The following CHST11 variants were observed in gnomAD, a reference collection of about 807,000 sequenced individuals.
CHST11 encodes C4S-1.
In CHST11, 9 loss-of-function variants were observed where a neutral mutation model predicts 30.4. The ratio of observed to expected loss-of-function variants is 0.30; its 90% confidence interval spans 0.18 to 0.52. The LOEUF is 0.52. CHST11 is among the 20% of genes least tolerant of loss of function. CHST11 has a pLI of 0.97. For synonymous variants in CHST11, 152 were observed against 187.8 expected, an observed-to-expected ratio of 0.81 and a Z score of 1.56; for missense variants, 348 against 460.6, an observed-to-expected ratio of 0.76 and a Z score of 2.24.
At chr12:104,748,538 G>A (rs1425922346) in intron 2 of CHST11, among the ~76,000 whole-genome samples, 1 of 151,904 alleles carries the variant, frequency 6.6e-6, no homozygotes, top group Non-Finnish European at 1.5e-5. Flanking sequence ...ATGCCCGGTG[G>A]GGGCTGGAGG....
In CHST11 at chr12:104,538,105, T is replaced by C. The variant is rs553064334; in HGVS notation, c.119-63801T>C. The stretch of plus-strand genomic sequence containing the variant: ...TCAGATTTTCTTAGTTGTTACCTAA[T>C]GTTCTTTTCTTATTCCAGAATTCCA... On this transcript the variant is annotated intron_variant, in intron 1 of 2. Coordinates refer to ENST00000303694, the MANE Select transcript of CHST11 (RefSeq NM_018413.6). 2.0e-4 allele frequency among the ~76,000 whole-genome samples: 31 copies of C among 152,370 alleles called. No homozygotes were observed. In the South Asian group the frequency reaches 6.4e-3, roughly 32 times the overall value.
At chr12:104,639,826 A>G (rs79995058) in intron 2 of CHST11, among the ~76,000 whole-genome samples, 366 of 152,282 alleles carry the variant, frequency 2.4e-3, no homozygotes, top group Admixed American at 6.0e-3. Flanking sequence ...TTTGCAAAAC[A>G]CATACCTAAA....
intron 2 of CHST11, among the ~76,000 whole-genome samples, chr12:104,716,443 T>G (rs142956762): frequency 6.6e-6 from 1 of 152,344 alleles, no homozygotes; most frequent in Non-Finnish European, 1.5e-5. Flanking sequence ...CTCATGAGTA[T>G]TGTGAGAAGT....
intron 2 of CHST11, among the ~76,000 whole-genome samples, chr12:104,602,732 A>G (rs999361051): frequency 6.6e-5 from 10 of 152,208 alleles, no homozygotes; most frequent in South Asian, 2.1e-4. Context: ...GTGAACAACT[A>G]GCAGCAGCAT....
chr12:104,619,624 G>A (rs1369052487), intron 2 of CHST11, among the ~76,000 whole-genome samples: 2 of 152,154 alleles, frequency 1.3e-5, no homozygotes, highest in Non-Finnish European at 2.9e-5. Context: ...GAAGCCCTAA[G>A]TGAGTGAAAG....
chr12:104,603,973 A>G (rs1004827461), intron 2 of CHST11, among the ~76,000 whole-genome samples: 2 of 151,998 alleles, frequency 1.3e-5, no homozygotes, highest in Admixed American at 1.3e-4. Context: ...TGTTACATGT[A>G]CCTAGGAACA....
At chr12:104,670,551 TCCCACACATACACA>T (rs1046847978) in intron 2 of CHST11, among the ~76,000 whole-genome samples, 1 of 144,742 alleles carries the variant, frequency 6.9e-6, no homozygotes, top group African/African-American at 2.6e-5. Context: ...ACACACACAC[TCCCACACATACACA>T]CCCACACATG....
intron 2 of CHST11, among the ~76,000 whole-genome samples, chr12:104,685,057 C>T (rs2039834092): frequency 3.3e-5 from 5 of 152,260 alleles, no homozygotes. Flanking sequence ...TTCCTCCTCT[C>T]AGCTCCCAAG....
intron 2 of CHST11, among the ~76,000 whole-genome samples, chr12:104,633,696 T>G (rs2039295752): frequency 6.6e-6 from 1 of 152,028 alleles, no homozygotes; most frequent in East Asian, 1.9e-4. Flanking sequence ...ATTACAGGCA[T>G]GAGCCACACC....
intron 2 of CHST11, among the ~76,000 whole-genome samples, chr12:104,678,224 C>T (rs1037250837): frequency 2.6e-5 from 4 of 152,196 alleles, no homozygotes; most frequent in Non-Finnish European, 4.4e-5. Context: ...GAAAAATGTT[C>T]TAATAACATA....
intron 1 of CHST11, among the ~76,000 whole-genome samples, chr12:104,492,542 T>C (rs2037757302): frequency 2.0e-5 from 3 of 152,190 alleles, no homozygotes; most frequent in South Asian, 4.1e-4. Flanking sequence ...TAAAGTAAAA[T>C]CTTAGTAAAT....
intron 2 of CHST11, among the ~76,000 whole-genome samples, chr12:104,702,781 G>T (rs2040000365): frequency 6.6e-6 from 1 of 152,206 alleles, no homozygotes; most frequent in African/African-American, 2.4e-5. Flanking sequence ...GCTGATGTTG[G>T]CTCAGACAGT....
chr12:104,506,759 G>T (rs548052178), intron 1 of CHST11, among the ~76,000 whole-genome samples: 19 of 152,292 alleles, frequency 1.2e-4, no homozygotes, highest in African/African-American at 4.1e-4. Context: ...GAGTTGCTCC[G>T]ACAGACCTTT....
chr12:104,632,644 G>A (rs1163088462), intron 2 of CHST11, among the ~76,000 whole-genome samples: 4 of 152,326 alleles, frequency 2.6e-5, no homozygotes, highest in South Asian at 4.1e-4. Context: ...CGCTCAAACG[G>A]GTTTCTTAGT....
chr12:104,547,220 G>A lies in CHST11; in HGVS notation c.119-54686G>A, dbSNP rs535060785. Reference sequence around the variant, plus strand: ...ACTGGATACAGGAGAAAGAAATGCAGCCCCAGAAAGGGAGGTGTGCAGTTG... The same window carrying A: ...ACTGGATACAGGAGAAAGAAATGCAACCCCAGAAAGGGAGGTGTGCAGTTG... On this transcript the variant is annotated intron_variant, in intron 1 of 2. Transcript: ENST00000303694. 7.9e-5 allele frequency among the ~76,000 whole-genome samples: 12 copies of A among 152,302 alleles called. 1 individual carries two copies. In the South Asian group the frequency reaches 2.5e-3, roughly 32 times the overall value.
At chr12:104,568,685 C>T (rs1433388533) in intron 1 of CHST11, among the ~76,000 whole-genome samples, 4 of 152,096 alleles carry the variant, frequency 2.6e-5, no homozygotes, top group African/African-American at 9.7e-5. Context: ...CTTAAACCTG[C>T]AGGCAGTATT....
At chr12:104,516,895 T>C (rs2038029224) in intron 1 of CHST11, among the ~76,000 whole-genome samples, 1 of 152,176 alleles carries the variant, frequency 6.6e-6, no homozygotes, top group African/African-American at 2.4e-5. Context: ...CTACCTTCTA[T>C]CCTATGCCTA....
chr12:104,599,030 A>C (rs1344873375), intron 1 of CHST11, among the ~76,000 whole-genome samples: 1 of 152,198 alleles, frequency 6.6e-6, no homozygotes, highest in Non-Finnish European at 1.5e-5. Flanking sequence ...TATCTGTAAA[A>C]TGCAGGTACT....
chr12:104,493,414 A>G (rs1388489612), intron 1 of CHST11, among the ~76,000 whole-genome samples: 2 of 151,026 alleles, frequency 1.3e-5, no homozygotes, highest in African/African-American at 4.8e-5. Flanking sequence ...TTCTTGAAGT[A>G]CACCTGTCAT....
Sources: gnomAD v4.1 joint callset for allele counts (sites outside exome capture counted in the v4.1 genomes callset) on GRCh38, gnomAD v4.1.1 for gene constraint, MANE v1.5 for transcripts, NCBI Gene and HGNC (gene_info 2026-07-23, HGNC 2026-07-21) for gene names.